DAB1: variants seen among roughly 807,000 people sequenced by gnomAD.
DAB1 encodes DAB adaptor protein 1.
DAB1 carries 15 observed loss-of-function variants against 64.6 expected under a neutral mutation model. The ratio of observed to expected loss-of-function variants is 0.23; its 90% CI spans 0.16 to 0.36. DAB1 has a LOEUF of 0.36. Among genes scored for constraint, DAB1 ranks in the 10% least tolerant of loss-of-function variants. DAB1 has a pLI of 1.00. For missense variants in DAB1, 596 were observed against 706.7 expected, an observed-to-expected ratio of 0.84 and a Z score of 1.78; for synonymous variants, 235 against 251.9, an observed-to-expected ratio of 0.93 and a Z score of 0.64.
intron 3 of DAB1, chr1:58,480,809 T>C (rs991037629): frequency 2.5e-5 from 13 of 522,730 alleles, no homozygotes; most frequent in African/African-American, 1.9e-5. Flanking sequence ...TCATGAAAAA[T>C]AAATTCTAGA....
intron 7 of DAB1, among the ~76,000 whole-genome samples, chr1:57,529,016 T>C (rs1352947798): frequency 6.6e-6 from 1 of 151,990 alleles, no homozygotes; most frequent in Non-Finnish European, 1.5e-5. Context: ...AAAACAATTA[T>C]AGCATATAGA....
intron 5 of DAB1, among the ~76,000 whole-genome samples, chr1:58,120,148 T>C (rs1461753482): frequency 6.6e-6 from 1 of 152,174 alleles, no homozygotes; most frequent in Non-Finnish European, 1.5e-5. Context: ...CTGGACTTCC[T>C]GTGTGGTTTG....
intron 2 of DAB1, among the ~76,000 whole-genome samples, chr1:57,161,250 C>A (rs1275652775): frequency 6.6e-6 from 1 of 152,142 alleles, no homozygotes; most frequent in Non-Finnish European, 1.5e-5. Flanking sequence ...AGAGGCAGCA[C>A]CGAGTGCTCA....
At chr1:57,277,567 A>G (rs1349844961) in intron 2 of DAB1, among the ~76,000 whole-genome samples, 2 of 152,148 alleles carry the variant, frequency 1.3e-5, no homozygotes, top group Non-Finnish European at 2.9e-5. Flanking sequence ...GCTACCTTTC[A>G]TAAGACCAAC....
At chr1:57,326,159 G>A (rs747463535) in intron 1 of DAB1, among the ~76,000 whole-genome samples, 3 of 152,206 alleles carry the variant, frequency 2.0e-5, no homozygotes, top group African/African-American at 7.2e-5. Flanking sequence ...TACACCATAA[G>A]GTGACTGCTC....
chr1:57,253,307 C>T (rs973608155), intron 2 of DAB1, among the ~76,000 whole-genome samples: 5 of 152,210 alleles, frequency 3.3e-5, no homozygotes, highest in African/African-American at 1.2e-4. Flanking sequence ...TCAAGTAGGA[C>T]TCCAGGTATA....
chr1:58,494,746 G>A (rs945771364), intron 3 of DAB1, among the ~76,000 whole-genome samples: 212 of 152,036 alleles, frequency 1.4e-3, no homozygotes, highest in Admixed American at 2.1e-3. Context: ...TTAGAATGGC[G>A]ATCATTAAAA....
intron 2 of DAB1, among the ~76,000 whole-genome samples, chr1:57,155,437 T>C (rs1341493682): frequency 6.6e-6 from 1 of 152,168 alleles, no homozygotes; most frequent in Non-Finnish European, 1.5e-5. Flanking sequence ...AGCTCTGTAG[T>C]ATAATTTGAA....
chr1:57,459,023 C>G (rs142395737), intron 7 of DAB1, among the ~76,000 whole-genome samples: 177 of 151,848 alleles, frequency 1.2e-3, no homozygotes, highest in African/African-American at 4.1e-3. Context: ...TTGATGAAAA[C>G]CTTTAACTGA....
intron 5 of DAB1, among the ~76,000 whole-genome samples, chr1:58,068,137 C>T (rs552453942): frequency 1.2e-4 from 18 of 152,180 alleles, no homozygotes; most frequent in Admixed American, 2.6e-4. Flanking sequence ...ACATTGGGTC[C>T]GTGAAGAGCA....
intron 5 of DAB1, among the ~76,000 whole-genome samples, chr1:57,947,725 A>G (rs1315373006): frequency 6.6e-6 from 1 of 152,174 alleles, no homozygotes; most frequent in Non-Finnish European, 1.5e-5. Flanking sequence ...ATTGACGCCT[A>G]TGGAGAATGG....
At chr1:57,543,568 A>G (rs765771545) in intron 7 of DAB1, among the ~76,000 whole-genome samples, 2 of 152,188 alleles carry the variant, frequency 1.3e-5, no homozygotes, top group Non-Finnish European at 2.9e-5. Context: ...AAAGCTGATA[A>G]TGTAAAATAG....
At chr1:58,340,017 G>A (rs952127871) in intron 4 of DAB1, among the ~76,000 whole-genome samples, 2 of 152,100 alleles carry the variant, frequency 1.3e-5, no homozygotes, top group African/African-American at 4.8e-5. Flanking sequence ...TTTTCAAGAA[G>A]ATTTCTACCC....
At chr1:57,884,112 T>C (rs1374495144), upstream of DAB1, 1 of 152,212 alleles carries the variant, frequency 6.6e-6, no homozygotes, top group Non-Finnish European at 1.5e-5. Context: ...CTTCCCAAGA[T>C]TGCCGGGGCC....
At chr1:57,484,278 G>T (rs996746921) in intron 7 of DAB1, among the ~76,000 whole-genome samples, 1 of 152,136 alleles carries the variant, frequency 6.6e-6, no homozygotes, top group African/African-American at 2.4e-5. Context: ...TAAATGTAAT[G>T]AGTGTTACTG....
chr1:58,157,963 T>C (rs1300346862), intron 4 of DAB1, among the ~76,000 whole-genome samples: 2 of 152,180 alleles, frequency 1.3e-5, no homozygotes, highest in Non-Finnish European at 2.9e-5. Flanking sequence ...TAGGAATCAA[T>C]TGCACAATTA....
At chr1:58,427,318 G>C (rs1439927335) in intron 3 of DAB1, among the ~76,000 whole-genome samples, 1 of 152,098 alleles carries the variant, frequency 6.6e-6, no homozygotes, top group East Asian at 1.9e-4. Flanking sequence ...GACATACTAA[G>C]GACTTTTATT....
chr1:57,250,680 A>T (rs1011363374), intron 2 of DAB1, among the ~76,000 whole-genome samples: 4 of 152,228 alleles, frequency 2.6e-5, no homozygotes, highest in African/African-American at 9.6e-5. Flanking sequence ...ATCATTATAG[A>T]ATATTAGGCC....
At chr1:57,670,740 G>A (rs959653703) in intron 6 of DAB1, among the ~76,000 whole-genome samples, 1 of 152,214 alleles carries the variant, frequency 6.6e-6, no homozygotes, top group African/African-American at 2.4e-5. Context: ...ATTGAATCCT[G>A]AACCTGTTGC....
Sources: allele counts gnomAD v4.1 joint callset (sites outside exome capture counted in the v4.1 genomes callset), GRCh38; gene constraint gnomAD v4.1.1; transcripts MANE v1.5; gene names NCBI Gene and HGNC (gene_info 2026-07-23, HGNC 2026-07-21).